The following RPL31 variants were observed in gnomAD, a reference collection of about 807,000 sequenced individuals.
The protein encoded by RPL31 is ribosomal protein L31, also known as large ribosomal subunit protein eL31.
For synonymous variants in RPL31, 51 were observed against 55.0 expected (o/e 0.93, Z 0.32); for missense variants, 95 against 164.0 (o/e 0.58, Z 2.30).
chr2:101,010,959 T>C (rs773141645), downstream of RPL31: 3 of 1,613,008 alleles, frequency 1.9e-6, no homozygotes, highest in Admixed American at 5.0e-5. Flanking sequence ...CTTTCTCAGT[T>C]TTATCTTTTT....
At chr2:101,005,797 G>A in intron 3 of RPL31, 162 bp from the exon 4 acceptor site, 1 of 634,478 alleles carries the variant, frequency 1.6e-6, no homozygotes, top group Non-Finnish European at 2.8e-6. Flanking sequence ...ATGTTCACCT[G>A]GGGGTTATGT....
At chr2:101,017,968 T>C in intron 4 of RPL31, 5 of 1,545,540 alleles carry the variant, frequency 3.2e-6, no homozygotes, top group East Asian at 2.4e-5. Flanking sequence ...AAAGTCATTA[T>C]AGAGGATTCG....
At chr2:101,011,677 A>C (rs1360595511), downstream of RPL31, 6 of 762,726 alleles carry the variant, frequency 7.9e-6, no homozygotes, top group Non-Finnish European at 1.3e-5. Flanking sequence ...AGGGTCCACG[A>C]ACCCAAATGC....
chr2:101,004,699 G>T, intron 3 of RPL31: 1 of 199,712 alleles, frequency 5.0e-6, no homozygotes, highest in Non-Finnish European at 1.0e-5. Flanking sequence ...CCTTCCCGGG[G>T]TTGTGGCGGG....
intron 3 of RPL31, chr2:101,005,110 T>A (rs1678672566): frequency 6.6e-6 from 1 of 152,266 alleles, no homozygotes; most frequent in African/African-American, 2.4e-5. Context: ...TGTCCTCCGA[T>A]GCCTGCCTTG....
At chr2:101,011,427 G>A (rs545650265), downstream of RPL31, 1 of 1,612,440 alleles carries the variant, frequency 6.2e-7, no homozygotes, top group Admixed American at 1.7e-5. Flanking sequence ...GCAGGGGAAA[G>A]CAACAATGAA....
In RPL31 at chr2:101,015,932, T is replaced by C. The variant is rs551054661; in HGVS notation, c.347-3066T>C. 3.9e-3 allele frequency among the ~76,000 whole-genome samples: 596 copies of C among 151,938 alleles called. 7 individuals carry two copies. The highest frequency in any genetic ancestry group is 0.013 in the African/African-American group (559 of 41,424). On this transcript the variant is annotated intron_variant, in intron 4 of 4. Transcript: ENST00000409028. ...TATACAAAAATTAATTCAAGATGGA[T>C]TAAAGACTTAAACGTTAGACCTAAA...
At chr2:101,004,657 A>T in intron 3 of RPL31, 8 of 201,982 alleles carry the variant, frequency 4.0e-5, no homozygotes, top group African/African-American at 1.1e-4. Context: ...CCAGGAGAGA[A>T]GTGGTTCTTG....
At chr2:101,018,768 C>T (rs1450074170) in intron 4 of RPL31, among the ~76,000 whole-genome samples, 1 of 152,146 alleles carries the variant, frequency 6.6e-6, no homozygotes, top group Non-Finnish European at 1.5e-5. Flanking sequence ...TGTCCATTTT[C>T]AATATAACTT....
chr2:101,008,477 G>T (rs1208241881), downstream of RPL31, among the ~76,000 whole-genome samples: 6 of 152,156 alleles, frequency 3.9e-5, no homozygotes, highest in African/African-American at 1.4e-4. Context: ...GAAATGGGTA[G>T]ACCTTCCTAG....
At chr2:101,008,370 T>A, downstream of RPL31, 2 of 973,394 alleles carry the variant, frequency 2.1e-6, no homozygotes, top group Non-Finnish European at 2.9e-6. Flanking sequence ...AACGACACAG[T>A]ATTTTTGAAG....
chr2:101,018,017 C>A, intron 4 of RPL31: 1 of 1,333,464 alleles, frequency 7.5e-7, no homozygotes, highest in South Asian at 1.3e-5. Context: ...CAAGCATGTG[C>A]TCATTCTACA....
intron 4 of RPL31, among the ~76,000 whole-genome samples, chr2:101,015,675 C>T (rs1679576412): frequency 6.6e-6 from 1 of 152,214 alleles, no homozygotes; most frequent in Non-Finnish European, 1.5e-5. Context: ...TCAAACTATA[C>T]TACAAGGCTA....
chr2:101,005,872 C>A, intron 3 of RPL31, 87 bp from the exon 4 acceptor site: 1 of 1,099,310 alleles, frequency 9.1e-7, no homozygotes, highest in Non-Finnish European at 1.4e-6. Flanking sequence ...GCATTAGAAG[C>A]AGGCATATGA....
chr2:101,007,868 C>CG, downstream of RPL31: 1 of 1,611,262 alleles, frequency 6.2e-7, no homozygotes, highest in African/African-American at 1.4e-5. Flanking sequence ...TGGCTCATTT[C>CG]AAAAGTTTTG....
Position 101,006,086 on chromosome 2 carries a change from C to G in RPL31, c.346+15C>G. On this transcript the variant is annotated intron_variant, in intron 4 of 4. Coordinates refer to ENST00000264258, the MANE Select transcript of RPL31 (RefSeq NM_000993.5). ...CACTTTCAAAAGTAAGTTCTCCATCCCATAAAGCCATTTAAATTCATTAGA... is the reference window on the plus strand; with the variant it reads ...CACTTTCAAAAGTAAGTTCTCCATCGCATAAAGCCATTTAAATTCATTAGA... 6.2e-7 allele frequency: 1 copy of G among 1,609,096 alleles called. No individual in the cohort carries two copies. Among genetic ancestry groups the G allele is most frequent in the South Asian group, 1.1e-5 (1 of 90,006 alleles).
At chr2:101,007,895 T>G, downstream of RPL31, 2 of 1,614,058 alleles carry the variant, frequency 1.2e-6, no homozygotes, top group Non-Finnish European at 1.7e-6. Context: ...TACTGATTGA[T>G]CTTGGCATTT....
downstream of RPL31, chr2:101,011,025 A>G (rs780275830): frequency 1.5e-5 from 24 of 1,610,860 alleles, no homozygotes; most frequent in African/African-American, 2.7e-5. Flanking sequence ...CAACTGCATC[A>G]CCTTGAAACA....
At chr2:101,007,351 A>G (rs1678799810), downstream of RPL31, 1 of 155,168 alleles carries the variant, frequency 6.4e-6, no homozygotes, top group Non-Finnish European at 1.4e-5. Flanking sequence ...AATGGTTTCA[A>G]TTACCAGCAT....
Sources: allele counts gnomAD v4.1 joint callset (sites outside exome capture counted in the v4.1 genomes callset), GRCh38; gene constraint gnomAD v4.1.1; transcripts MANE v1.5; gene names NCBI Gene and HGNC (gene_info 2026-07-23, HGNC 2026-07-21).